Variants in PATJ observed in about 807,000 individuals in gnomAD.
The protein encoded by PATJ is inaD-like protein.
Under a neutral mutation model 224.9 loss-of-function variants are expected in PATJ, and 190 were observed. The observed-to-expected ratio is 0.84, with a 90% CI of 0.75 to 0.95. The LOEUF (loss-of-function observed/expected upper bound fraction) is 0.95, where lower values mean the gene tolerates loss of function less well. Among genes scored for constraint, PATJ ranks in the 40% least tolerant of loss-of-function variants. PATJ has a pLI of 0.00. For missense variants in PATJ, 2,121 were observed against 2,270.3 expected (o/e 0.93, Z 1.34); for synonymous variants, 769 against 820.3 (o/e 0.94, Z 1.07).
At chr1:61,982,450 C>T (rs1160560835) in intron 27 of PATJ, among the ~76,000 whole-genome samples, 1 of 151,938 alleles carries the variant, frequency 6.6e-6, no homozygotes, top group African/African-American at 2.4e-5. Flanking sequence ...TGACATTGGC[C>T]AGGTCACCTC....
intron 42 of PATJ, among the ~76,000 whole-genome samples, chr1:62,152,776 CCT>C (rs1668759974): frequency 1.3e-5 from 2 of 152,224 alleles, no homozygotes; most frequent in Non-Finnish European, 1.5e-5. Context: ...AGACACGCTA[CCT>C]CTGTCTCCAT....
At chr1:62,128,966 C>G in intron 41 of PATJ, 21 bp downstream of exon 41, 1 of 1,509,560 alleles carries the variant, frequency 6.6e-7, no homozygotes, top group African/African-American at 1.4e-5. Context: ...CAACGGAGCA[C>G]GCAGCTGTGC....
rs1030124801 is a variant in PATJ at position 61,944,006 on chromosome 1, C to T, written c.3670+16177C>T. Among the ~76,000 whole-genome samples the T allele has an allele frequency of 6.6e-5, 10 of 152,282 alleles. No individual in the cohort carries two copies. The Middle Eastern group carries it at 0.01, about 155-fold the overall frequency. On this transcript the variant is annotated intron_variant, in intron 27 of 43. Transcript: ENST00000642238. ...CTCCAACAGACCTGCAGCTGAGGGT[C>T]CTGACTGTTAGAAGGAAAACTAACA... is the stretch of plus-strand genomic sequence containing the variant.
chr1:62,076,122 G>T (rs1570467204), intron 31 of PATJ, among the ~76,000 whole-genome samples: 2 of 152,102 alleles, frequency 1.3e-5, no homozygotes, highest in South Asian at 4.2e-4. Flanking sequence ...GGCAAGTTTT[G>T]TTTTGTTTTG....
chr1:61,827,440 T>C lies in PATJ; in HGVS notation c.1837T>C (p.Tyr613His), dbSNP rs373980455. 6 of 1,614,020 alleles carry C rather than the reference T, an allele frequency of 3.7e-6. No individual in the cohort carries two copies. The highest frequency in any genetic ancestry group is 5.1e-6 in the Non-Finnish European group (6 of 1,179,952). Reference sequence around the variant, plus strand: ...TTCCTAGGTCAATGGCATGCAGCTTTATGGAAAATCTCGCCGAGAAGCAGT... The same window carrying C: ...TTCCTAGGTCAATGGCATGCAGCTTCATGGAAAATCTCGCCGAGAAGCAGT... ...ELLEVNGMQL[Y>H]GKSRREAVSF... is the part of the protein sequence containing the mutation. Residue 613 changes from tyrosine to histidine, a missense_variant, in exon 16 of 44, where the codon TAT (tyrosine) becomes CAT (histidine). By Grantham distance (83) the Tyr-to-His change is moderately conservative (BLOSUM62 2). Coordinates refer to ENST00000642238, the MANE Select transcript of PATJ (RefSeq NM_001350145.3).
chr1:61,832,285 C>T (rs946130982), intron 16 of PATJ, among the ~76,000 whole-genome samples: 1 of 151,858 alleles, frequency 6.6e-6, no homozygotes, highest in African/African-American at 2.4e-5. Context: ...CACAATTTAC[C>T]CATATAACAA....
chr1:61,952,464 T>TG, intron 27 of PATJ: 1 of 716,964 alleles, frequency 1.4e-6, no homozygotes, highest in Non-Finnish European at 2.6e-6. Flanking sequence ...TGCAATCTGA[T>TG]GCTGTTTTAG....
At chr1:62,002,565 C>G (rs1645839480) in intron 28 of PATJ, among the ~76,000 whole-genome samples, 1 of 151,788 alleles carries the variant, frequency 6.6e-6, no homozygotes, top group South Asian at 2.1e-4. Context: ...AAAAATTAGC[C>G]GGGTGTGGTA....
intron 43 of PATJ, among the ~76,000 whole-genome samples, chr1:62,155,602 T>TAGAA (rs1669101920): frequency 6.6e-6 from 1 of 150,412 alleles, no homozygotes; most frequent in Admixed American, 6.7e-5. Flanking sequence ...CCCATAGAAG[T>TAGAA]AGAAACATTG....
Position 61,780,536 on chromosome 1 carries a change from A to C in PATJ, c.849+5202A>C, listed in dbSNP as rs149207966. 6.0e-3 allele frequency among the ~76,000 whole-genome samples: 920 copies of C among 152,344 alleles called. 9 individuals carry two copies. The highest frequency in any genetic ancestry group is 0.021 in the African/African-American group (885 of 41,592). On this transcript the variant is annotated intron_variant, in intron 7 of 43. Coordinates refer to ENST00000642238, the MANE Select transcript of PATJ (RefSeq NM_001350145.3). ...AATATTCTTTAAGGATTCTTAAAAAAAATTTTTATAACCTGGAAATAATAA... is the reference window on the plus strand; with the variant it reads ...AATATTCTTTAAGGATTCTTAAAAACAATTTTTATAACCTGGAAATAATAA...
intron 43 of PATJ, among the ~76,000 whole-genome samples, chr1:62,156,036 T>A (rs1352053760): frequency 1.9e-5 from 2 of 105,314 alleles, no homozygotes; most frequent in African/African-American, 3.8e-5. Flanking sequence ...CCAGCCTGGG[T>A]GACAGAGCAA....
chr1:61,842,555 G>A (rs1240829176), intron 17 of PATJ, among the ~76,000 whole-genome samples: 1 of 152,094 alleles, frequency 6.6e-6, no homozygotes, highest in Non-Finnish European at 1.5e-5. Flanking sequence ...TACCTTTAGT[G>A]AGTGTTTCAG....
At chr1:61,860,589 G>A (rs1570944683) in intron 18 of PATJ, among the ~76,000 whole-genome samples, 4 of 151,984 alleles carry the variant, frequency 2.6e-5, no homozygotes, top group Admixed American at 2.0e-4. Context: ...TTTGGGAGGC[G>A]GAGGCGGGCA....
chr1:62,043,325 G>T (rs1261963088), intron 30 of PATJ, among the ~76,000 whole-genome samples: 1 of 152,210 alleles, frequency 6.6e-6, no homozygotes, highest in Non-Finnish European at 1.5e-5. Flanking sequence ...ACAGCATAGT[G>T]ATGTGAACAT....
chr1:62,137,468 G>GAGTGAGGGGGGA, intron 41 of PATJ, among the ~76,000 whole-genome samples: 1 of 26,128 alleles, frequency 3.8e-5, no homozygotes, highest in Non-Finnish European at 7.1e-5. Flanking sequence ...AGGGGGCACA[G>GAGTGAGGGGGGA]CAGCCTGAGG....
At chr1:61,975,373 T>TA (rs1644073064) in intron 27 of PATJ, among the ~76,000 whole-genome samples, 3 of 152,120 alleles carry the variant, frequency 2.0e-5, no homozygotes, top group African/African-American at 7.3e-5. Context: ...TGATAGTACC[T>TA]AATTCAATCT....
At chr1:61,948,303 C>A (rs1679073243) in intron 27 of PATJ, among the ~76,000 whole-genome samples, 1 of 152,160 alleles carries the variant, frequency 6.6e-6, no homozygotes, top group Admixed American at 6.5e-5. Flanking sequence ...AAAATTTTTA[C>A]AATCTATCCA....
rs972673422 is a variant in PATJ at position 61,986,565 on chromosome 1, G to A, written c.3671-3603G>A. Among the ~76,000 whole-genome samples, 9 of 152,118 alleles carry A rather than the reference G, an allele frequency of 5.9e-5. No individual in the cohort carries two copies. The South Asian group carries it at 6.2e-4, about 11-fold the overall frequency. On this transcript the variant is annotated intron_variant, in intron 27 of 43. Coordinates refer to ENST00000642238, the MANE Select transcript of PATJ (RefSeq NM_001350145.3). ...CTCCAGAGCAGCCAAAATTATAGGC[G>A]CGTGCCGCTATGCTGGGCTAACTTT...
chr1:62,096,024 A>G (rs1167334999), intron 33 of PATJ, among the ~76,000 whole-genome samples: 1 of 152,180 alleles, frequency 6.6e-6, no homozygotes, highest in Non-Finnish European at 1.5e-5. Context: ...GTACTTAGGA[A>G]CACTGGACAG....
Sources: gnomAD v4.1 joint callset for allele counts (sites outside exome capture counted in the v4.1 genomes callset) on GRCh38, gnomAD v4.1.1 for gene constraint, MANE v1.5 for transcripts, NCBI Gene and HGNC (gene_info 2026-07-23, HGNC 2026-07-21) for gene names.